Variants in PITPNM1 observed in about 807,000 individuals in gnomAD.
The protein encoded by PITPNM1 is phosphatidylinositol transfer protein membrane associated 1.
In PITPNM1, 74 loss-of-function variants were observed where a neutral mutation model predicts 133.3. That is an observed-to-expected ratio of 0.56 (90% CI 0.46 to 0.67). The LOEUF (loss-of-function observed/expected upper bound fraction) is 0.67, where lower values mean the gene tolerates loss of function less well. Ranked by LOEUF, PITPNM1 falls within the 30% of genes least tolerant of loss-of-function variation. PITPNM1 has a pLI of 0.00. For missense variants in PITPNM1, 1,398 were observed against 1,739.5 expected (o/e 0.80, Z 3.49); for synonymous variants, 738 against 741.4 (o/e 1.00, Z 0.08).
Position 67,492,940 on chromosome 11 carries a change from C to T in PITPNM1, c.3465G>A (p.Gln1155=), listed in dbSNP as rs771529064. 2.5e-6 allele frequency: 4 copies of T among 1,612,200 alleles called. No individual in the cohort carries two copies. The highest frequency in any genetic ancestry group is 3.4e-6 in the Non-Finnish European group (4 of 1,179,506). The change falls in exon 23 of 24, where the codon CAG becomes CAA. Residue 1155 remains glutamine (Q), a synonymous_variant. Transcript: ENST00000356404. ...VGRAVRKLQA[Q]CQFLSDGYVA... ...GCCTTCACTTGGGCCTCACCTGGCACTGCGCCTGTAGCTTCCGCACGGCAC... is the reference window on the plus strand; with the variant it reads ...GCCTTCACTTGGGCCTCACCTGGCATTGCGCCTGTAGCTTCCGCACGGCAC...
At chr11:67,499,892 C>A in intron 7 of PITPNM1, 22 bp downstream of exon 7, 2 of 1,605,244 alleles carry the variant, frequency 1.2e-6, no homozygotes, top group South Asian at 1.1e-5. Flanking sequence ...TCCCCACTCC[C>A]AAAAAGGGCC....
rs2134343660 is a variant in PITPNM1, at chr11:67,505,260, G to T, written c.-114C>A. The T allele has an allele frequency of 6.6e-6, 1 of 151,990 alleles. No individual in the cohort carries two copies. Among genetic ancestry groups the T allele is most frequent in the Non-Finnish European group, 1.5e-5 (1 of 67,934 alleles). 9.4% of individuals were successfully genotyped at this position (151,990 alleles called of 1,614,324 possible). ...CGGCCCGTGGGTCGGAGCCCGGAGC[G>T]CCCCCAGCCCCGGCCTCGGGTTCCA... is the stretch of plus-strand genomic sequence containing the variant. On this transcript the variant is annotated 5_prime_UTR_variant, in exon 1 of 24. Transcript: ENST00000356404. This position sits in a 1 kb window ranked among gnomAD's most constrained non-coding sequence, Gnocchi z 5.8.
upstream of PITPNM1, among the ~76,000 whole-genome samples, chr11:67,505,909 G>A (rs77931609): frequency 0.012 from 1,758 of 152,254 alleles, 27 homozygotes; most frequent in African/African-American, 0.038. This position sits in a 1 kb window ranked among gnomAD's most constrained non-coding sequence, Gnocchi z 5.8. Context: ...TCTGCCTTCC[G>A]GGTCCACAAG....
Position 67,491,861 on chromosome 11 carries a change from G to T in PITPNM1, c.*172C>A. On this transcript the variant is annotated 3_prime_UTR_variant, in exon 24 of 24. Coordinates refer to ENST00000356404, the MANE Select transcript of PITPNM1 (RefSeq NM_004910.3). ...GCCCTCCTCCCTCCCCCCGGCGCTGGGTCCCCTCATATGAAAGGGAAGTAA... is the reference window on the plus strand; with the variant it reads ...GCCCTCCTCCCTCCCCCCGGCGCTGTGTCCCCTCATATGAAAGGGAAGTAA... 1.4e-6 allele frequency: 1 copy of T among 703,088 alleles called. No individual in the cohort carries two copies. 43.6% of individuals were successfully genotyped at this position (703,088 alleles called of 1,614,324 possible). A position where few individuals can be genotyped will look rare whatever the true frequency, so the allele number is the denominator to read the frequency against.
intron 18 of PITPNM1, 139 bp from the exon 19 acceptor site, chr11:67,494,499 C>A (rs1028550429): frequency 1.5e-6 from 1 of 652,104 alleles, no homozygotes; most frequent in Non-Finnish European, 2.6e-6. Context: ...AGGGCAAGCC[C>A]GGGGGGCGCA....
chr11:67,500,201 G>C lies in PITPNM1; in HGVS notation c.861C>G (p.Thr287=), dbSNP rs764346377. Residue 287 remains threonine, a synonymous_variant, in exon 6 of 24, where the codon ACC becomes ACG. Transcript: ENST00000356404. ...EARSAASNTG[T]PDGPEAPPGP... ...CTGGGGGGGCCTCAGGCCCATCGGG[G>C]GTGCCAGTGTTGCTGGCCGCAGACC... The C allele has an allele frequency of 4.4e-6, 7 of 1,603,704 alleles. No individual in the cohort carries two copies. In the African/African-American group the frequency reaches 5.3e-5, roughly 12 times the overall value.
Position 67,494,357 on chromosome 11 carries a change from CG to C in PITPNM1, c.2745del (p.Asn915LysfsTer21). On this transcript the variant is annotated frameshift_variant and splice_region_variant, in exon 19 of 24. Coordinates refer to ENST00000356404, the MANE Select transcript of PITPNM1 (RefSeq NM_004910.3). LOFTEE classifies it high-confidence loss of function. ...QRKRTQVKIRNVTSNHRASDT... is the reference protein window; with the variant it reads ...QRKRTQVKIRXVTSNHRASDT... ...TCGCTCGCCCGGTGGTTGGAAGTGACGTTCTAGAGGGAGGAGAGGGCGTGAG... is the reference window on the plus strand; with the variant it reads ...TCGCTCGCCCGGTGGTTGGAAGTGACTTCTAGAGGGAGGAGAGGGCGTGAG... 1 of 1,598,228 alleles carries C rather than the reference CG, an allele frequency of 6.3e-7. No individual in the cohort carries two copies. Among genetic ancestry groups the C allele is most frequent in the East Asian group, 2.2e-5 (1 of 44,634 alleles).
chr11:67,504,254 G>T lies in PITPNM1; in HGVS notation c.-41-33C>A. The T allele has an allele frequency of 9.7e-7, 1 of 1,029,036 alleles. No homozygotes were observed. The highest frequency in any genetic ancestry group is 1.3e-6 in the Non-Finnish European group (1 of 767,042). The allele number at this position is 1,029,036 out of a possible 1,614,324, so 63.7% of individuals were successfully genotyped here. ...AGGGCACGGCGCGACAGTCAGTGCG[G>T]GGAGGCTGCGCGCGGCCCCGAGCCC... is the stretch of plus-strand genomic sequence containing the variant. On this transcript the variant is annotated intron_variant, in intron 1 of 23. Coordinates refer to ENST00000356404, the MANE Select transcript of PITPNM1 (RefSeq NM_004910.3). The surrounding 1 kb of genome is among the most constrained non-coding windows in gnomAD (Gnocchi z 5.4).
intron 22 of PITPNM1, 55 bp from the exon 23 acceptor site, chr11:67,493,117 G>C (rs1374923346): frequency 6.2e-7 from 1 of 1,604,352 alleles, no homozygotes; most frequent in East Asian, 2.2e-5. Flanking sequence ...GCAGCTGGGG[G>C]CGGGGCCTGT....
chr11:67,492,852 A>G, intron 23 of PITPNM1, 82 bp downstream of exon 23: 1 of 1,506,982 alleles, frequency 6.6e-7, no homozygotes, highest in East Asian at 2.3e-5. Flanking sequence ...CATCTTCCCC[A>G]GAGTCCGTGG....
In PITPNM1 at chr11:67,492,294, G is replaced by C. The variant is rs1404586594; in HGVS notation, c.3474C>G (p.Phe1158Leu). Residue 1158 changes from phenylalanine (F) to leucine (L), a missense_variant and splice_region_variant, in exon 24 of 24, where the codon TTC becomes TTG. Coordinates refer to ENST00000356404, the MANE Select transcript of PITPNM1 (RefSeq NM_004910.3). ...GGTGGGCCACATAGCCGTCTGACAG[G>C]AACTGTGGGCAGAGGTAGGCAGCGA... The part of the protein sequence containing the change: ...AVRKLQAQCQ[F>L]LSDGYVAHLG... The C allele has an allele frequency of 3.8e-6, 6 of 1,563,928 alleles. No homozygotes were observed. Among genetic ancestry groups the C allele is most frequent in the East Asian group, 2.3e-5 (1 of 44,258 alleles).
In PITPNM1 at chr11:67,502,011, G is replaced by A; in HGVS notation, c.491C>T (p.Ser164Leu). Reference protein sequence around the residue: ...KAEEDPRLYHSVKTGRGPLSD... With the variant: ...KAEEDPRLYHLVKTGRGPLSD... Reference sequence around the variant, plus strand: ...CAGTGGCCCTCGGCCCGTCTTGACCGAGTGATAAAGCCGGGGGTCCTCTTC... The same window carrying A: ...CAGTGGCCCTCGGCCCGTCTTGACCAAGTGATAAAGCCGGGGGTCCTCTTC... The change falls in exon 5 of 24, where the codon TCG becomes TTG. Residue 164 changes from serine to leucine, a missense_variant. Coordinates refer to ENST00000356404, the MANE Select transcript of PITPNM1 (RefSeq NM_004910.3). The surrounding 1 kb of genome is among the most constrained non-coding windows in gnomAD (Gnocchi z 5.9). The A allele has an allele frequency of 1.2e-6, 2 of 1,613,460 alleles. No individual in the cohort carries two copies. The highest frequency in any genetic ancestry group is 1.7e-6 in the Non-Finnish European group (2 of 1,180,022).
rs1353908125 is a variant in PITPNM1, at chr11:67,492,244, T to C, written c.3524A>G (p.His1175Arg). 3 of 1,600,354 alleles carry C rather than the reference T, an allele frequency of 1.9e-6. 1 individual carries two copies. The South Asian group carries it at 3.3e-5, about 18-fold the overall frequency. Residue 1175 changes from histidine to arginine, a missense_variant, in exon 24 of 24, where the codon CAC becomes CGC. Physicochemically the swap from His to Arg is conservative, Grantham distance 29. Coordinates refer to ENST00000356404, the MANE Select transcript of PITPNM1 (RefSeq NM_004910.3). ...AHLGQLEAGS[H>R]SHASSGPPRA... is the part of the protein sequence containing the mutation. ...CGGGGGTCCCGAGGAGGCATGCGAG[T>C]GCGAGCCCGCTTCCAGCTGGCCCAG... is the stretch of plus-strand genomic sequence containing the variant.
In PITPNM1 at chr11:67,492,042, G is replaced by A. The variant is rs1454659514; in HGVS notation, c.3726C>T (p.Ser1242=). The part of the protein sequence containing the change: ...KARSISLKLD[S]EE ...CAGGCTGGTGTGGGCCTCACTCCTCGCTGTCCAGCTTCAGGCTGATGCTCC... is the reference window on the plus strand; with the variant it reads ...CAGGCTGGTGTGGGCCTCACTCCTCACTGTCCAGCTTCAGGCTGATGCTCC... Residue 1242 remains serine, a synonymous_variant, in exon 24 of 24, where the codon AGC becomes AGT. Coordinates refer to ENST00000356404, the MANE Select transcript of PITPNM1 (RefSeq NM_004910.3). The A allele has an allele frequency of 1.9e-6, 3 of 1,612,112 alleles. No homozygotes were observed. The highest frequency in any genetic ancestry group is 1.3e-5 in the African/African-American group (1 of 75,038).
At position 67,498,499 on chromosome 11, in the gene PITPNM1, G is replaced by C; in HGVS notation, c.1484+97C>G. 1.5e-5 allele frequency: 23 copies of C among 1,516,400 alleles called. No homozygotes were observed. Among genetic ancestry groups the C allele is most frequent in the Non-Finnish European group, 2.0e-5 (23 of 1,127,968 alleles). The allele number at this position is 1,516,400 out of a possible 1,614,324, so 93.9% of individuals were successfully genotyped here. The stretch of plus-strand genomic sequence containing the variant: ...AACAGGTCCAGCCATGCCAGTGACC[G>C]ACCCAGGTGTCTGGCTTCCTGACCC... On this transcript the variant is annotated intron_variant, in intron 10 of 23. Transcript: ENST00000356404. The surrounding 1 kb of genome is among the most constrained non-coding windows in gnomAD (Gnocchi z 5.7).
chr11:67,497,737 T>TA (rs1368352870), intron 12 of PITPNM1, 58 bp from the exon 13 acceptor site: 6 of 1,588,610 alleles, frequency 3.8e-6, no homozygotes, highest in Non-Finnish European at 5.1e-6. Context: ...GAATTCTACT[T>TA]ACTTAGAAGT....
intron 2 of PITPNM1, chr11:67,503,891 A>C: frequency 2.0e-6 from 1 of 488,196 alleles, no homozygotes; most frequent in Non-Finnish European, 3.7e-6. Context: ...GGAGGATTAC[A>C]GGAGATCAGA....
rs1213334361 is a variant in PITPNM1 at position 67,491,847 on chromosome 11, T to TC, written c.*185dup. On this transcript the variant is annotated 3_prime_UTR_variant, in exon 24 of 24. Transcript: ENST00000356404. ...GCGCCCATGCCCACGCCCTCCTCCC[T>TC]CCCCCCGGCGCTGGGTCCCCTCATA... 3.0e-5 allele frequency: 19 copies of TC among 639,780 alleles called. No homozygotes were observed. The highest frequency in any genetic ancestry group is 6.2e-5 in the Admixed American group (2 of 32,296). 39.6% of individuals were successfully genotyped at this position (639,780 alleles called of 1,614,324 possible).
At position 67,498,996 on chromosome 11, in the gene PITPNM1, C is replaced by CA; in HGVS notation, c.1176dup (p.Gly393TrpfsTer6). 6.2e-7 allele frequency: 1 copy of CA among 1,611,202 alleles called. No individual in the cohort carries two copies. The highest frequency in any genetic ancestry group is 8.5e-7 in the Non-Finnish European group (1 of 1,179,024). On this transcript the variant is annotated frameshift_variant, in exon 9 of 24. Coordinates refer to ENST00000356404, the MANE Select transcript of PITPNM1 (RefSeq NM_004910.3). LOFTEE classifies it high-confidence loss of function. This position sits in a 1 kb window ranked among gnomAD's most constrained non-coding sequence, Gnocchi z 5.7. ...TCAATGCCTTTAGCTGCCTCGGCTC[C>CA]AGGCTCTGCAGGGCAACGAAGCCAG...
Sources: allele counts gnomAD v4.1 joint callset (sites outside exome capture counted in the v4.1 genomes callset), GRCh38; gene constraint gnomAD v4.1.1; non-coding constraint Gnocchi (gnomAD v3.1); transcripts MANE v1.5; gene names NCBI Gene and HGNC (gene_info 2026-07-23, HGNC 2026-07-21).